The following VDAC1 variants were observed in gnomAD, a reference collection of about 807,000 sequenced individuals.
VDAC1 encodes the protein non-selective voltage-gated ion channel VDAC1.
In VDAC1, 10 loss-of-function variants were observed where a neutral mutation model predicts 34.7. The observed-to-expected ratio is 0.29, with a 90% CI of 0.18 to 0.49. VDAC1 has a LOEUF of 0.49. VDAC1 is among the 20% of genes least tolerant of loss of function. The probability of loss-of-function intolerance (pLI) is 0.99; values close to 1 mark genes in which losing one functional copy is unlikely to be tolerated. For missense variants in VDAC1, 230 were observed against 347.9 expected (o/e 0.66, Z 2.69); for synonymous variants, 130 against 136.0 (o/e 0.96, Z 0.30).
the VDAC1 span, among the ~76,000 whole-genome samples, chr5:134,092,900 C>G: frequency 2.6e-5 from 4 of 152,224 alleles, no homozygotes; most frequent in Non-Finnish European, 4.4e-5. Context: ...TGCCACTTCT[C>G]AGAGACCAGC....
chr5:133,989,015 G>C (rs562455148), intron 5 of VDAC1: 2 of 152,350 alleles, frequency 1.3e-5, no homozygotes, highest in South Asian at 2.1e-4. Context: ...GAGTTCCTGG[G>C]GGGAGAGTGC....
At chr5:134,034,187 A>G in the VDAC1 span, among the ~76,000 whole-genome samples, 8 of 152,282 alleles carry the variant, frequency 5.3e-5, no homozygotes, top group African/African-American at 1.9e-4. Context: ...GCGCAAAAAA[A>G]AAAAATAAAA....
At chr5:134,054,509 G>A in the VDAC1 span, among the ~76,000 whole-genome samples, 1 of 128,344 alleles carries the variant, frequency 7.8e-6, no homozygotes, top group Non-Finnish European at 1.6e-5. Flanking sequence ...TGCCCAGGCT[G>A]GAGTGCAGTG....
rs1230633920 is a variant in VDAC1, at chr5:133,973,818, A to C, written c.733T>G (p.Leu245Val). ...AKVNNSSLIGLGYTQTLKPGI... is the reference protein window; with the variant it reads ...AKVNNSSLIGVGYTQTLKPGI... The stretch of plus-strand genomic sequence containing the variant: ...GGCTTTAGAGTCTGAGTGTATCCTA[A>C]ACCTATCAGGCTGGAGTTGTTCACT... The change falls in exon 8 of 9, where the codon TTA becomes GTA. Residue 245 changes from leucine to valine, a missense_variant. Coordinates refer to ENST00000265333, the MANE Select transcript of VDAC1 (RefSeq NM_003374.3). The C allele has an allele frequency of 1.2e-6, 2 of 1,613,218 alleles. No individual in the cohort carries two copies. Among genetic ancestry groups the C allele is most frequent in the Non-Finnish European group, 1.7e-6 (2 of 1,179,956 alleles).
the VDAC1 span, among the ~76,000 whole-genome samples, chr5:134,109,407 C>T: frequency 2.1e-4 from 32 of 152,164 alleles, no homozygotes; most frequent in Admixed American, 2.0e-4. Context: ...CCTTCTGCTG[C>T]ATTTGTGACG....
chr5:134,055,544 C>T, the VDAC1 span, among the ~76,000 whole-genome samples: 1 of 149,458 alleles, frequency 6.7e-6, no homozygotes, highest in Admixed American at 6.7e-5. Context: ...CTCAGTCTCC[C>T]AAGTAGCTGG....
the VDAC1 span, among the ~76,000 whole-genome samples, chr5:134,047,148 C>T: frequency 1.3e-5 from 2 of 152,140 alleles, no homozygotes; most frequent in African/African-American, 4.8e-5. Context: ...GGGTCACTTT[C>T]CTGGAAACTC....
chr5:134,055,755 T>TTTTCTTTA, the VDAC1 span, among the ~76,000 whole-genome samples: 1 of 107,962 alleles, frequency 9.3e-6, no homozygotes, highest in Non-Finnish European at 1.9e-5. Context: ...TTGTCTTTTT[T>TTTTCTTTA]TCTTTAAAAG....
chr5:134,038,512 C>CTAT, the VDAC1 span, among the ~76,000 whole-genome samples: 1 of 152,110 alleles, frequency 6.6e-6, no homozygotes. Context: ...TATCCACGAC[C>CTAT]CCCTCCCTCA....
the VDAC1 span, among the ~76,000 whole-genome samples, chr5:134,095,713 T>C: frequency 6.6e-6 from 1 of 152,094 alleles, no homozygotes; most frequent in Non-Finnish European, 1.5e-5. Flanking sequence ...ACTCTAGGAC[T>C]GCACTGCCCA....
chr5:134,088,481 G>A, the VDAC1 span, among the ~76,000 whole-genome samples: 2,230 of 152,328 alleles, frequency 0.015, 40 homozygotes, highest in African/African-American at 0.051. Flanking sequence ...CATGGAGGAG[G>A]CAAGGGAGAG....
the VDAC1 span, among the ~76,000 whole-genome samples, chr5:134,051,290 A>G: frequency 6.6e-6 from 1 of 152,248 alleles, no homozygotes; most frequent in African/African-American, 2.4e-5. Flanking sequence ...GCCCGCTCTC[A>G]GAGTCCACAG....
the VDAC1 span, among the ~76,000 whole-genome samples, chr5:134,031,718 A>G: frequency 2.6e-5 from 4 of 152,196 alleles, no homozygotes; most frequent in Non-Finnish European, 5.9e-5. Flanking sequence ...TGGGAGGCTG[A>G]GGCAGGCGGA....
At chr5:134,044,363 T>C in the VDAC1 span, among the ~76,000 whole-genome samples, 11 of 152,238 alleles carry the variant, frequency 7.2e-5, no homozygotes, top group South Asian at 2.1e-3. Context: ...AACACCTGGG[T>C]CCCCTCCCCA....
chr5:133,988,634 C>T (rs189988635), intron 5 of VDAC1, among the ~76,000 whole-genome samples: 220 of 152,042 alleles, frequency 1.4e-3, no homozygotes, highest in African/African-American at 5.1e-3. Flanking sequence ...CATGGTGGCC[C>T]GTGTCTGTAG....
the VDAC1 span, among the ~76,000 whole-genome samples, chr5:134,050,464 C>G: frequency 1.0e-3 from 158 of 152,120 alleles, no homozygotes; most frequent in African/African-American, 3.7e-3. Context: ...ACTTCCAAGC[C>G]CCCCCAGCAA....
the VDAC1 span, among the ~76,000 whole-genome samples, chr5:134,049,654 A>G: frequency 2.1e-3 from 327 of 152,230 alleles, no homozygotes; most frequent in African/African-American, 7.6e-3. Flanking sequence ...ATCTCAGCTC[A>G]CTGCAACCTC....
At chr5:134,096,519 A>G in the VDAC1 span, among the ~76,000 whole-genome samples, 1 of 152,060 alleles carries the variant, frequency 6.6e-6, no homozygotes, top group South Asian at 2.1e-4. Context: ...TCTCTCCTTT[A>G]TCTAGCCAAC....
At chr5:134,074,029 C>T in the VDAC1 span, among the ~76,000 whole-genome samples, 5 of 151,966 alleles carry the variant, frequency 3.3e-5, no homozygotes, top group African/African-American at 1.2e-4. Flanking sequence ...TGAATAAAAG[C>T]TGGCTGGGCG....
Sources: gnomAD v4.1 joint callset for allele counts (sites outside exome capture counted in the v4.1 genomes callset) on GRCh38, gnomAD v4.1.1 for gene constraint, MANE v1.5 for transcripts, NCBI Gene and HGNC (gene_info 2026-07-23, HGNC 2026-07-21) for gene names.